The following DLC1 variants were observed in gnomAD, a reference collection of about 807,000 sequenced individuals.
DLC1 encodes the protein rho GTPase-activating protein 7.
DLC1 carries 54 observed loss-of-function variants against 140.3 expected under a neutral mutation model. That is an observed-to-expected ratio of 0.38 (90% CI 0.31 to 0.48). The LOEUF (loss-of-function observed/expected upper bound fraction) is 0.48, where lower values mean the gene tolerates loss of function less well. Among genes scored for constraint, DLC1 ranks in the 20% least tolerant of loss-of-function variants. The pLI is 0.96. For missense variants in DLC1, 2,536 were observed against 1,907.0 expected (o/e 1.33, Z -6.14); for synonymous variants, 986 against 728.1 (o/e 1.35, Z -5.70).
At chr8:13,272,130 T>A (rs571597483) in intron 5 of DLC1, among the ~76,000 whole-genome samples, 2 of 152,234 alleles carry the variant, frequency 1.3e-5, no homozygotes, top group South Asian at 2.1e-4. Flanking sequence ...TAGTAGGTCT[T>A]ACTTTATAAG....
At chr8:13,479,336 A>G (rs1800576636) in intron 2 of DLC1, among the ~76,000 whole-genome samples, 1 of 152,206 alleles carries the variant, frequency 6.6e-6, no homozygotes, top group African/African-American at 2.4e-5. Context: ...CAGTGAGTCA[A>G]GAAGATCTCA....
At position 13,499,408 on chromosome 8, in the gene DLC1, C is replaced by T; in HGVS notation, c.664G>A (p.Glu222Lys). Residue 222 changes from glutamate to lysine, a missense_variant, in exon 2 of 18, where the codon GAG (glutamate) becomes AAG (lysine). Transcript: ENST00000276297. ...DTLNVKDIAP[E>K]KQLLNSAVIA... ...ACAGCAGAGTTAAGCAATTGTTTCT[C>T]AGGTGCAATATCTTTCACGTTCAAA... is the stretch of plus-strand genomic sequence containing the variant. 6.2e-7 allele frequency: 1 copy of T among 1,613,740 alleles called. No individual in the cohort carries two copies. Among genetic ancestry groups the T allele is most frequent in the Non-Finnish European group, 8.5e-7 (1 of 1,179,936 alleles).
chr8:13,336,577 A>G (rs1037111594), intron 4 of DLC1, among the ~76,000 whole-genome samples: 1 of 152,244 alleles, frequency 6.6e-6, no homozygotes, highest in Non-Finnish European at 1.5e-5. Context: ...CATGTGTTTT[A>G]TCATGGCATC....
chr8:13,439,375 G>A (rs1295198584), intron 2 of DLC1, among the ~76,000 whole-genome samples: 1 of 152,066 alleles, frequency 6.6e-6, no homozygotes, highest in African/African-American at 2.4e-5. Context: ...TTGGCCCACA[G>A]GCAGTAGTTT....
intron 5 of DLC1, among the ~76,000 whole-genome samples, chr8:13,200,619 T>A (rs1827326955): frequency 6.6e-6 from 1 of 152,116 alleles, no homozygotes; most frequent in African/African-American, 2.4e-5. Context: ...TGTTTTTTTT[T>A]AGAGAGGCAG....
chr8:13,569,698 C>G (rs1244058030), intron 1 of DLC1, among the ~76,000 whole-genome samples: 1 of 152,124 alleles, frequency 6.6e-6, no homozygotes, highest in African/African-American at 2.4e-5. Context: ...GCATACAGTT[C>G]TCAGAATTAC....
At chr8:13,567,122 G>A (rs749094023) in intron 1 of DLC1, 29 of 1,551,738 alleles carry the variant, frequency 1.9e-5, no homozygotes, top group Non-Finnish European at 2.3e-5. Flanking sequence ...TCTGGAGGAC[G>A]GCAGTCCTCG....
chr8:13,257,811 T>TA (rs142821207), intron 5 of DLC1, among the ~76,000 whole-genome samples: 4,137 of 152,246 alleles, frequency 0.027, 173 homozygotes, highest in African/African-American at 0.095. Flanking sequence ...CTGTCCTTGC[T>TA]GGAGTGCATG....
intron 5 of DLC1, among the ~76,000 whole-genome samples, chr8:13,191,869 A>G (rs1011689348): frequency 6.6e-6 from 1 of 151,726 alleles, no homozygotes; most frequent in African/African-American, 2.4e-5. Flanking sequence ...AGTGCCTATG[A>G]CTCTGACCTC....
At chr8:13,088,416 T>G in intron 16 of DLC1, 71 bp downstream of exon 16, 1 of 1,508,718 alleles carries the variant, frequency 6.6e-7, no homozygotes, top group East Asian at 2.3e-5. Flanking sequence ...TCTTGTAAGA[T>G]CAGTGACATA....
chr8:13,356,475 A>G (rs7819769), intron 4 of DLC1, among the ~76,000 whole-genome samples: 1 of 152,196 alleles, frequency 6.6e-6, no homozygotes, highest in African/African-American at 2.4e-5. Context: ...TTCCTTGCCA[A>G]TTATCTTTTC....
chr8:13,287,946 G>A (rs962328052), intron 5 of DLC1, among the ~76,000 whole-genome samples: 2 of 151,592 alleles, frequency 1.3e-5, no homozygotes, highest in East Asian at 3.9e-4. Context: ...TTGGAAAATT[G>A]GAGATCTTTA....
chr8:13,429,951 T>C (rs757980928), intron 2 of DLC1, among the ~76,000 whole-genome samples: 2 of 152,224 alleles, frequency 1.3e-5, no homozygotes, highest in Admixed American at 6.5e-5. Context: ...CTATCTGATA[T>C]TTGCGTGTGC....
At chr8:13,383,961 T>C (rs901832958) in intron 4 of DLC1, among the ~76,000 whole-genome samples, 3 of 152,162 alleles carry the variant, frequency 2.0e-5, no homozygotes, top group Non-Finnish European at 4.4e-5. Context: ...ACTGTGAGAT[T>C]AGCTGCATAA....
rs183407864 is a variant in DLC1, at chr8:13,500,127, A to G, written c.-56T>C. The G allele has an allele frequency of 1.7e-5, 23 of 1,385,354 alleles. No individual in the cohort carries two copies. The African/African-American group carries it at 3.1e-4, about 19-fold the overall frequency. 85.8% of individuals were successfully genotyped at this position (1,385,354 alleles called of 1,614,324 possible). On this transcript the variant is annotated 5_prime_UTR_variant, in exon 2 of 18. Coordinates refer to ENST00000276297, the MANE Select transcript of DLC1 (RefSeq NM_182643.3). ...TATATTCCATATGAGGGTAAAGGAG[A>G]TGGAACTTGATGAAAGATTATTTCA...
intron 2 of DLC1, among the ~76,000 whole-genome samples, chr8:13,404,582 C>G (rs1282756341): frequency 6.6e-6 from 1 of 151,958 alleles, no homozygotes; most frequent in African/African-American, 2.4e-5. Context: ...CATTTATTTT[C>G]CTTAATATTG....
intron 1 of DLC1, among the ~76,000 whole-genome samples, chr8:13,562,646 G>A (rs1243948075): frequency 6.6e-6 from 1 of 152,184 alleles, no homozygotes; most frequent in Non-Finnish European, 1.5e-5. Context: ...ACTGCCTGTG[G>A]AGGGGGATTT....
chr8:13,270,940 C>G lies in DLC1; in HGVS notation c.1348+34329G>C, dbSNP rs190102560. The stretch of plus-strand genomic sequence containing the variant: ...TTAAAACCATTTCATGACGTAGGTG[C>G]TGTTATCCTCTTTGTATTGGCAAGG... On this transcript the variant is annotated intron_variant, in intron 5 of 17. Coordinates refer to ENST00000276297, the MANE Select transcript of DLC1 (RefSeq NM_182643.3). Among the ~76,000 whole-genome samples the G allele has an allele frequency of 1.5e-3, 224 of 152,238 alleles. 1 individual carries two copies. The highest frequency in any genetic ancestry group is 2.8e-4 in the Non-Finnish European group (19 of 68,022).
rs1340720929 is a variant in DLC1, at chr8:13,157,993, G to T, written c.1349-42336C>A. 2.0e-5 allele frequency among the ~76,000 whole-genome samples: 3 copies of T among 152,306 alleles called. No homozygotes were observed. The East Asian group carries it at 5.8e-4, about 29-fold the overall frequency. On this transcript the variant is annotated intron_variant, in intron 5 of 17. Transcript: ENST00000276297. The stretch of plus-strand genomic sequence containing the variant: ...AGAATTGTTTGAAACGAGATATCAT[G>T]GGAATATTTCAGGGTTTGGAACTTG...
Sources: gnomAD v4.1 joint callset for allele counts (sites outside exome capture counted in the v4.1 genomes callset) on GRCh38, gnomAD v4.1.1 for gene constraint, MANE v1.5 for transcripts, NCBI Gene and HGNC (gene_info 2026-07-23, HGNC 2026-07-21) for gene names.